Variants in GNPAT observed in about 807,000 individuals in gnomAD.
GNPAT encodes dihydroxyacetone phosphate acyltransferase.
A neutral mutation model predicts 78.4 loss-of-function variants in GNPAT; 30 were observed. The ratio of observed to expected loss-of-function variants is 0.38; its 90% confidence interval spans 0.29 to 0.52. The LOEUF is 0.52. Ranked by LOEUF, GNPAT falls within the 20% of genes least tolerant of loss-of-function variation. The pLI, the probability that GNPAT is intolerant of heterozygous loss-of-function variation, is 0.84. For missense variants in GNPAT, 714 were observed against 812.2 expected (o/e 0.88, Z 1.47); for synonymous variants, 271 against 281.1 (o/e 0.96, Z 0.36).
chr1:231,246,392 C>T (rs1326091833), intron 1 of GNPAT, among the ~76,000 whole-genome samples: 1 of 152,192 alleles, frequency 6.6e-6, no homozygotes, highest in Non-Finnish European at 1.5e-5. Context: ...CAGTCCCTGC[C>T]TGCCTTGTTC....
intron 2 of GNPAT, among the ~76,000 whole-genome samples, chr1:231,252,524 G>T (rs1161388856): frequency 6.6e-6 from 1 of 152,170 alleles, no homozygotes; most frequent in South Asian, 2.1e-4. Context: ...TGCATTGCAG[G>T]TGTTGCTAGC....
intron 4 of GNPAT, among the ~76,000 whole-genome samples, chr1:231,264,242 A>G (rs509274): frequency 0.58 from 88,045 of 151,934 alleles, 25,843 homozygotes; most frequent in African/African-American, 0.65. Context: ...TTACATTAAG[A>G]TCTTTGGTTT....
rs1429347372 is a variant in GNPAT at position 231,265,714 on chromosome 1, T to C, written c.699T>C (p.Asn233=). 6.3e-7 allele frequency: 1 copy of C among 1,575,386 alleles called. No individual in the cohort carries two copies. The highest frequency in any genetic ancestry group is 1.7e-5 in the Admixed American group (1 of 59,972). ...FSEYVKTMLR[N]GYAPVEFFLE... ...TTTTGTTTGTTTTCTCTTTAAAGAA[T>C]GGTTATGCTCCTGTTGAATTTTTCC... Residue 233 remains asparagine, a splice_region_variant and synonymous_variant, in exon 6 of 16, where the codon AAT becomes AAC. Coordinates refer to ENST00000366647, the MANE Select transcript of GNPAT (RefSeq NM_014236.4).
At chr1:231,255,910 T>C (rs1685042479) in intron 2 of GNPAT, among the ~76,000 whole-genome samples, 1 of 152,200 alleles carries the variant, frequency 6.6e-6, no homozygotes, top group African/African-American at 2.4e-5. Flanking sequence ...TGGCTCTTGC[T>C]CTTTCTCCTT....
intron 2 of GNPAT, among the ~76,000 whole-genome samples, chr1:231,259,698 GA>G (rs1467132364): frequency 6.7e-6 from 1 of 150,270 alleles, no homozygotes; most frequent in Non-Finnish European, 1.5e-5. Flanking sequence ...TCACCTCAAT[GA>G]AAAAAAAGGG....
In GNPAT at chr1:231,260,577, G is replaced by C. The variant is rs1457875297; in HGVS notation, c.332G>C (p.Ser111Thr). Residue 111 changes from serine (S) to threonine (T), a missense_variant, in exon 3 of 16, where the codon AGT becomes ACT. Transcript: ENST00000366647. Reference protein sequence around the residue: ...EEVSEILDEMSHKLRLGAIRF... With the variant: ...EEVSEILDEMTHKLRLGAIRF... ...GTGAGTGAGATCTTAGATGAAATGA[G>C]TCACAAACTGCGTCTTGGAGCCATT... is the stretch of plus-strand genomic sequence containing the variant. 1 of 1,610,856 alleles carries C rather than the reference G, an allele frequency of 6.2e-7. No individual in the cohort carries two copies. Among genetic ancestry groups the C allele is most frequent in the African/African-American group, 1.3e-5 (1 of 74,804 alleles).
chr1:231,275,044 G>A, intron 12 of GNPAT, 177 bp from the exon 13 acceptor site: 1 of 598,222 alleles, frequency 1.7e-6, no homozygotes, highest in Non-Finnish European at 3.0e-6. Flanking sequence ...TAAACTCAAA[G>A]GAGATGCCCT....
chr1:231,241,301 G>C lies in GNPAT; in HGVS notation c.-78G>C. The C allele has an allele frequency of 7.0e-7, 1 of 1,431,698 alleles. No homozygotes were observed. 88.7% of individuals were successfully genotyped at this position (1,431,698 alleles called of 1,614,324 possible). A position where few individuals can be genotyped will look rare whatever the true frequency, so the allele number is the denominator to read the frequency against. ...TAGGCGAAGTAGGGCCGTCCTGAGC[G>C]AAAGAACCGCCCCCAGCAGGAGCAC... On this transcript the variant is annotated 5_prime_UTR_variant, in exon 1 of 16. Transcript: ENST00000366647.
chr1:231,251,731 C>T (rs953127834), intron 2 of GNPAT, among the ~76,000 whole-genome samples: 2 of 152,070 alleles, frequency 1.3e-5, no homozygotes, highest in African/African-American at 2.4e-5. Context: ...TTTTAAGGAC[C>T]GAAGCCTTGA....
intron 11 of GNPAT, among the ~76,000 whole-genome samples, chr1:231,272,692 CG>C (rs1685601750): frequency 6.6e-6 from 1 of 152,146 alleles, no homozygotes; most frequent in Non-Finnish European, 1.5e-5. Flanking sequence ...AGCACACAGC[CG>C]GGCGCAGTGG....
At chr1:231,273,203 A>T (rs1685614483) in intron 11 of GNPAT, among the ~76,000 whole-genome samples, 1 of 150,326 alleles carries the variant, frequency 6.7e-6, no homozygotes, top group South Asian at 2.1e-4. Flanking sequence ...TGCTTTAAGG[A>T]TAAGAGGTTT....
chr1:231,255,587 C>T (rs1225812996), intron 2 of GNPAT, among the ~76,000 whole-genome samples: 1 of 152,032 alleles, frequency 6.6e-6, no homozygotes, highest in Admixed American at 6.6e-5. Context: ...CCATGCCCAG[C>T]TTTTTTTGTT....
chr1:231,273,247 A>AC (rs1233410375), intron 11 of GNPAT, among the ~76,000 whole-genome samples: 44 of 142,986 alleles, frequency 3.1e-4, no homozygotes, highest in African/African-American at 1.0e-3. Flanking sequence ...AGTGTTGGAA[A>AC]CTTTTTTTTT....
chr1:231,277,712 C>G lies in GNPAT; in HGVS notation c.*170C>G. The G allele has an allele frequency of 1.6e-6, 1 of 625,412 alleles. No homozygotes were observed. Among genetic ancestry groups the G allele is most frequent in the South Asian group, 1.8e-5 (1 of 54,562 alleles). The allele number at this position is 625,412 out of a possible 1,614,324, so 38.7% of individuals were successfully genotyped here. ...GATCATTGGAAGCAATCAGTTTACT[C>G]TTCCCCACCACAGTGGTTAAAAGGC... is the stretch of plus-strand genomic sequence containing the variant. On this transcript the variant is annotated 3_prime_UTR_variant, in exon 16 of 16. Coordinates refer to ENST00000366647, the MANE Select transcript of GNPAT (RefSeq NM_014236.4).
chr1:231,274,119 T>C (rs1685644773), intron 12 of GNPAT, 57 bp downstream of exon 12: 1 of 1,444,674 alleles, frequency 6.9e-7, no homozygotes, highest in African/African-American at 1.4e-5. Context: ...TAATAAGACA[T>C]TCTCACCCTG....
chr1:231,271,153 C>A (rs754524259), intron 10 of GNPAT, among the ~76,000 whole-genome samples, 153 bp downstream of exon 10: 1 of 152,200 alleles, frequency 6.6e-6, no homozygotes, highest in South Asian at 2.1e-4. Flanking sequence ...TCCCCAAATA[C>A]TTGTTCATCT....
intron 2 of GNPAT, among the ~76,000 whole-genome samples, chr1:231,259,145 T>G (rs1354227142): frequency 7.0e-6 from 1 of 142,620 alleles, no homozygotes; most frequent in African/African-American, 2.6e-5. Context: ...CTCTTCTGAC[T>G]ATATTTATAA....
chr1:231,251,554 C>G (rs1264305941), intron 2 of GNPAT, among the ~76,000 whole-genome samples: 1 of 152,010 alleles, frequency 6.6e-6, no homozygotes, highest in Non-Finnish European at 1.5e-5. Flanking sequence ...ATAACTTATT[C>G]CTGTGGTTTT....
intron 9 of GNPAT, 149 bp from the exon 10 acceptor site, chr1:231,270,609 T>G: frequency 6.3e-6 from 5 of 791,004 alleles, no homozygotes; most frequent in Non-Finnish European, 1.1e-5. Flanking sequence ...TTCTTCAGAT[T>G]TGGTATCATT....
Sources: allele counts gnomAD v4.1 joint callset (sites outside exome capture counted in the v4.1 genomes callset), GRCh38; gene constraint gnomAD v4.1.1; transcripts MANE v1.5; gene names NCBI Gene and HGNC (gene_info 2026-07-23, HGNC 2026-07-21).